The following LUZP2 variants were observed in gnomAD, a reference collection of about 807,000 sequenced individuals.
LUZP2 encodes the protein leucine zipper protein 2.
Under a neutral mutation model 51.6 loss-of-function variants are expected in LUZP2, and 52 were observed. That is an observed-to-expected ratio of 1.01 (90% CI 0.81 to 1.27). The LOEUF is 1.27. LUZP2 is among the 50% of genes most tolerant of loss of function. The probability of loss-of-function intolerance (pLI) is 0.00; values close to 1 mark genes in which losing one functional copy is unlikely to be tolerated. For synonymous variants in LUZP2, 154 were observed against 137.3 expected (o/e 1.12, Z -0.85); for missense variants, 436 against 395.4 (o/e 1.10, Z -0.87).
intron 9 of LUZP2, among the ~76,000 whole-genome samples, chr11:25,027,886 G>GTGTT (rs1565249884): frequency 1.6e-4 from 21 of 133,358 alleles, no homozygotes; most frequent in Non-Finnish European, 2.8e-4. Flanking sequence ...AAAAAAAAAG[G>GTGTT]TGTTTAGATT....
At chr11:24,563,337 T>C (rs976674798) in intron 1 of LUZP2, among the ~76,000 whole-genome samples, 1 of 152,186 alleles carries the variant, frequency 6.6e-6, no homozygotes, top group Non-Finnish European at 1.5e-5. Flanking sequence ...TTTTATGACA[T>C]TGAGAATTTT....
rs1192643851 is a variant in LUZP2, at chr11:25,044,251, G to GTATA, written c.766-5786_766-5785insATAT. Among the ~76,000 whole-genome samples the GTATA allele has an allele frequency of 1.6e-4, 19 of 117,638 alleles. No homozygotes were observed. In the South Asian group the frequency reaches 3.3e-3, roughly 20 times the overall value. 77.2% of individuals were successfully genotyped at this position (117,638 alleles called of 152,430 possible). On this transcript the variant is annotated intron_variant, in intron 9 of 11. Coordinates refer to ENST00000336930, the MANE Select transcript of LUZP2 (RefSeq NM_001009909.4). ...TGTATGTGTATGTGTGTGTGTGTGT[G>GTATA]TGTGTGTATATATATATATATATAT...
chr11:24,529,871 T>G (rs1850940675), intron 1 of LUZP2, among the ~76,000 whole-genome samples: 1 of 151,006 alleles, frequency 6.6e-6, no homozygotes, highest in African/African-American at 2.4e-5. Context: ...TAACAATATT[T>G]GATCTAATAG....
chr11:24,926,261 G>GTA (rs1194771046), intron 7 of LUZP2, among the ~76,000 whole-genome samples: 1 of 53,416 alleles, frequency 1.9e-5, no homozygotes, highest in Non-Finnish European at 4.1e-5. Flanking sequence ...ATACGTGTGT[G>GTA]TATATATATA....
intron 1 of LUZP2, among the ~76,000 whole-genome samples, chr11:24,685,306 A>AG (rs1856865035): frequency 6.6e-6 from 1 of 152,090 alleles, no homozygotes; most frequent in African/African-American, 2.4e-5. Context: ...GATGAATTCT[A>AG]GGGGCATGGC....
chr11:24,566,272 C>T (rs1590187267), intron 1 of LUZP2, among the ~76,000 whole-genome samples: 1 of 149,928 alleles, frequency 6.7e-6, no homozygotes. Flanking sequence ...TAATGACTAG[C>T]GATAAAGATT....
intron 5 of LUZP2, among the ~76,000 whole-genome samples, chr11:24,896,235 G>A (rs1853043309): frequency 6.6e-6 from 1 of 152,206 alleles, no homozygotes; most frequent in South Asian, 2.1e-4. Flanking sequence ...GGGCCCCTCT[G>A]TGGGCTGGCC....
At chr11:24,866,957 T>C (rs1163640461) in intron 5 of LUZP2, among the ~76,000 whole-genome samples, 7 of 152,160 alleles carry the variant, frequency 4.6e-5, no homozygotes, top group Non-Finnish European at 7.3e-5. Context: ...AAGCAGCGGC[T>C]GCTAACGGCA....
intron 9 of LUZP2, among the ~76,000 whole-genome samples, chr11:24,994,057 C>T (rs530136460): frequency 2.9e-4 from 44 of 151,986 alleles, no homozygotes; most frequent in South Asian, 1.9e-3. Context: ...GATGGGGTTT[C>T]ACCATGTTAA....
At chr11:24,755,269 A>G (rs144368261) in intron 4 of LUZP2, among the ~76,000 whole-genome samples, 1 of 152,190 alleles carries the variant, frequency 6.6e-6, no homozygotes, top group Non-Finnish European at 1.5e-5. Context: ...ATTTCTTCGC[A>G]CTTCGCATTC....
intron 9 of LUZP2, among the ~76,000 whole-genome samples, chr11:25,005,613 T>C (rs768743132): frequency 6.6e-6 from 1 of 151,970 alleles, no homozygotes; most frequent in Non-Finnish European, 1.5e-5. Flanking sequence ...CCACCCATGG[T>C]TTTGGTTTGT....
chr11:24,997,374 G>A (rs1420900189), intron 9 of LUZP2, among the ~76,000 whole-genome samples: 1 of 152,118 alleles, frequency 6.6e-6, no homozygotes, highest in Non-Finnish European at 1.5e-5. Context: ...GGCCAGTGAT[G>A]GTGAGCATTT....
chr11:24,921,691 A>G (rs1382624726), intron 7 of LUZP2, among the ~76,000 whole-genome samples: 1 of 152,156 alleles, frequency 6.6e-6, no homozygotes, highest in Non-Finnish European at 1.5e-5. Context: ...TATTAGTATT[A>G]TATGCAATCT....
In LUZP2 at chr11:24,694,865, A is replaced by G. The variant is rs1030637012; in HGVS notation, c.63-34304A>G. ...ATGTTCTCACTCATCATGGGAGTTG[A>G]ACAATGAGAATACATGGACACAGGG... is the stretch of plus-strand genomic sequence containing the variant. On this transcript the variant is annotated intron_variant, in intron 1 of 11. Transcript: ENST00000336930. 2.6e-5 allele frequency among the ~76,000 whole-genome samples: 4 copies of G among 151,996 alleles called. No individual in the cohort carries two copies. In the South Asian group the frequency reaches 8.3e-4, roughly 32 times the overall value.
chr11:24,581,628 G>A (rs1397462906), intron 1 of LUZP2, among the ~76,000 whole-genome samples: 1 of 151,646 alleles, frequency 6.6e-6, no homozygotes, highest in Non-Finnish European at 1.5e-5. Flanking sequence ...TCAAAGACAT[G>A]CCACTGCACT....
chr11:24,621,766 A>G (rs1854502909), intron 1 of LUZP2, among the ~76,000 whole-genome samples: 1 of 152,156 alleles, frequency 6.6e-6, no homozygotes, highest in Admixed American at 6.5e-5. Flanking sequence ...CTTCCTCTTA[A>G]TAGAACATTG....
intron 8 of LUZP2, among the ~76,000 whole-genome samples, chr11:24,981,582 C>T (rs1856031652): frequency 6.6e-6 from 1 of 151,778 alleles, no homozygotes; most frequent in Non-Finnish European, 1.5e-5. Flanking sequence ...TAAGCCCAGC[C>T]TCTATTCAAG....
At chr11:24,532,186 C>A (rs541295178) in intron 1 of LUZP2, among the ~76,000 whole-genome samples, 1 of 150,868 alleles carries the variant, frequency 6.6e-6, no homozygotes, top group African/African-American at 2.4e-5. Flanking sequence ...ATATTTTATA[C>A]CAATTACTAG....
At chr11:24,799,851 A>AT (rs1185849619) in intron 5 of LUZP2, among the ~76,000 whole-genome samples, 3 of 152,132 alleles carry the variant, frequency 2.0e-5, no homozygotes, top group Non-Finnish European at 4.4e-5. Flanking sequence ...TAGTAGTAGT[A>AT]TTTTTTCTAT....
Sources: gnomAD v4.1 joint callset for allele counts (sites outside exome capture counted in the v4.1 genomes callset) on GRCh38, gnomAD v4.1.1 for gene constraint, MANE v1.5 for transcripts, NCBI Gene and HGNC (gene_info 2026-07-23, HGNC 2026-07-21) for gene names.